ANK2: variants seen among roughly 807,000 people sequenced by gnomAD.
The protein encoded by ANK2 is ankyrin-2.
In ANK2, 83 loss-of-function variants were observed where a neutral mutation model predicts 360.5. The ratio of observed to expected loss-of-function variants is 0.23; its 90% CI spans 0.19 to 0.28. ANK2 has a LOEUF of 0.28. Among genes scored for constraint, ANK2 ranks in the 10% least tolerant of loss-of-function variants. The pLI is 1.00. For synonymous variants in ANK2, 1,740 were observed against 1,759.5 expected (o/e 0.99, Z 0.28); for missense variants, 4,201 against 4,795.7 (o/e 0.88, Z 3.66).
At chr4:112,730,534 G>A in the ANK2 span, among the ~76,000 whole-genome samples, 3 of 149,958 alleles carry the variant, frequency 2.0e-5, no homozygotes, top group Non-Finnish European at 4.4e-5. Flanking sequence ...CTACTTGAGA[G>A]GCTGAGGCAG....
chr4:113,374,655 C>T (rs2096860687), intron 45 of ANK2: 2 of 679,796 alleles, frequency 2.9e-6, no homozygotes, highest in South Asian at 5.9e-5. Context: ...TTCTGGAAAG[C>T]CAGTATGTAA....
intron 2 of ANK2, among the ~76,000 whole-genome samples, chr4:113,024,974 G>T (rs2058959571): frequency 6.6e-6 from 1 of 151,558 alleles, no homozygotes; most frequent in South Asian, 2.1e-4. Flanking sequence ...GGTATTTTTG[G>T]CACCTCTCTT....
chr4:113,153,983 A>G (rs1302024162), intron 1 of ANK2, among the ~76,000 whole-genome samples: 1 of 152,244 alleles, frequency 6.6e-6, no homozygotes, highest in Non-Finnish European at 1.5e-5. Flanking sequence ...ACATCAGCAC[A>G]TAAGAGCATA....
At chr4:113,120,071 T>C (rs1361835101) in intron 1 of ANK2, among the ~76,000 whole-genome samples, 1 of 152,146 alleles carries the variant, frequency 6.6e-6, no homozygotes, top group Non-Finnish European at 1.5e-5. Flanking sequence ...GCAGAACTTA[T>C]CTTACTATAA....
chr4:112,866,699 T>A (rs111623854), intron 1 of ANK2, among the ~76,000 whole-genome samples: 2,364 of 152,248 alleles, frequency 0.016, 69 homozygotes, highest in African/African-American at 0.053. Flanking sequence ...TATTTTTTTT[T>A]AAAGGTAGTA....
the ANK2 span, chr4:112,738,828 A>C: frequency 1.6e-6 from 1 of 631,882 alleles, no homozygotes; most frequent in African/African-American, 1.8e-5. Context: ...CAAGGCCCAG[A>C]TCTTGATGCC....
chr4:113,373,710 G>A, intron 45 of ANK2: 1 of 614,636 alleles, frequency 1.6e-6, no homozygotes, highest in African/African-American at 1.8e-5. Context: ...ATTCATGGTT[G>A]ACCACTGCAG....
At chr4:113,207,318 C>T (rs2098963732) in intron 4 of ANK2, among the ~76,000 whole-genome samples, 1 of 152,164 alleles carries the variant, frequency 6.6e-6, no homozygotes. Context: ...ATCATCACAT[C>T]TAAAATCTTC....
chr4:113,194,628 A>G (rs2098721761), intron 2 of ANK2, among the ~76,000 whole-genome samples: 1 of 152,052 alleles, frequency 6.6e-6, no homozygotes, highest in African/African-American at 2.4e-5. Flanking sequence ...TTTAAAATCT[A>G]CCTGATATTT....
intron 1 of ANK2, among the ~76,000 whole-genome samples, chr4:113,142,046 G>T (rs1458945370): frequency 6.6e-6 from 1 of 152,126 alleles, no homozygotes; most frequent in Non-Finnish European, 1.5e-5. Flanking sequence ...GCAAATATTT[G>T]CTTTCTGAGT....
intron 1 of ANK2, among the ~76,000 whole-genome samples, chr4:113,075,250 T>A (rs1345160939): frequency 1.3e-5 from 2 of 152,244 alleles, no homozygotes; most frequent in Non-Finnish European, 2.9e-5. Context: ...CTGTGAACGA[T>A]GAATAGTGTT....
chr4:113,355,281 G>A lies in ANK2; in HGVS notation c.6663G>A (p.Gly2221=), dbSNP rs765141502. 5 of 1,613,922 alleles carry A rather than the reference G, an allele frequency of 3.1e-6. No individual in the cohort carries two copies. The Admixed American group carries it at 5.0e-5, about 16-fold the overall frequency. ...CTCCGTGTGGCAGCCTGATGGAGGG[G>A]ACCCCTCAGATTAGTTCAGAAGAAA... ...AGSPCGSLME[G]TPQISSEESY... The change falls in exon 38 of 46, where the codon GGG becomes GGA. Residue 2221 remains glycine (G), a synonymous_variant. Coordinates refer to ENST00000357077, the MANE Select transcript of ANK2 (RefSeq NM_001148.6).
chr4:112,830,621 T>A (rs912871373), intron 1 of ANK2, among the ~76,000 whole-genome samples: 13 of 152,292 alleles, frequency 8.5e-5, no homozygotes, highest in Non-Finnish European at 1.5e-4. Flanking sequence ...TATTATTATT[T>A]TTTTTTGAGA....
chr4:112,960,790 T>C lies in ANK2; in HGVS notation c.21+56276T>C, dbSNP rs577541882. 8.3e-4 allele frequency among the ~76,000 whole-genome samples: 127 copies of C among 152,268 alleles called. 1 individual carries two copies. The highest frequency in any genetic ancestry group is 1.6e-3 in the Non-Finnish European group (112 of 67,988). On this transcript the variant is annotated intron_variant, in intron 2 of 30. Coordinates refer to the ANK2 transcript ENST00000503271. The stretch of plus-strand genomic sequence containing the variant: ...ATAATTTATTTTATATATTGGCTTG[T>C]CAAGTTTCCTCATCTGCCTTTCCCC...
chr4:112,829,827 TG>T (rs1235336670), intron 1 of ANK2, among the ~76,000 whole-genome samples: 1 of 151,838 alleles, frequency 6.6e-6, no homozygotes, highest in African/African-American at 2.4e-5. Flanking sequence ...GGCGTGGTGG[TG>T]GGTACCTGTA....
At chr4:113,271,504 T>C (rs1438044928) in intron 14 of ANK2, among the ~76,000 whole-genome samples, 1 of 90,668 alleles carries the variant, frequency 1.1e-5, no homozygotes, top group Non-Finnish European at 2.5e-5. Flanking sequence ...ACACACACAC[T>C]TTTGGAAACT....
At chr4:112,773,776 AATTTT>A in the ANK2 span, among the ~76,000 whole-genome samples, 3,188 of 152,054 alleles carry the variant, frequency 0.021, 110 homozygotes, top group African/African-American at 0.073. Flanking sequence ...CACCTAAGTA[AATTTT>A]ATTTTATTTT....
the ANK2 span, among the ~76,000 whole-genome samples, chr4:112,787,737 T>C: frequency 1.3e-5 from 2 of 152,256 alleles, no homozygotes; most frequent in Admixed American, 6.5e-5. Flanking sequence ...GGCAGTTCAG[T>C]TGGAAGGGGG....
chr4:112,964,865 G>A lies in ANK2; in HGVS notation c.21+60351G>A, dbSNP rs186435227. ...ATTACAGGCGTGAGCCACCGCGCCC[G>A]GCCATGTACCACATTTTCTTTGTCC... is the stretch of plus-strand genomic sequence containing the variant. On this transcript the variant is annotated intron_variant, in intron 2 of 30. Coordinates refer to the ANK2 transcript ENST00000503271. Among the ~76,000 whole-genome samples the A allele has an allele frequency of 1.0e-3, 152 of 152,226 alleles. 3 individuals carry two copies. Among genetic ancestry groups the A allele is most frequent in the Admixed American group, 9.3e-3 (142 of 15,302 alleles).
Sources: gnomAD v4.1 joint callset for allele counts (sites outside exome capture counted in the v4.1 genomes callset) on GRCh38, gnomAD v4.1.1 for gene constraint, MANE v1.5 for transcripts, NCBI Gene and HGNC (gene_info 2026-07-23, HGNC 2026-07-21) for gene names.